The following HNMT variants were observed in gnomAD, a reference collection of about 807,000 sequenced individuals.
HNMT encodes the protein histamine N-methyltransferase.
Under a neutral mutation model 32.1 loss-of-function variants are expected in HNMT, and 30 were observed. The ratio of observed to expected loss-of-function variants is 0.93; its 90% CI spans 0.70 to 1.27. HNMT has a LOEUF of 1.27. Ranked by LOEUF, HNMT falls within the 50% of genes most tolerant of loss-of-function variation. The pLI, the probability that HNMT is intolerant of heterozygous loss-of-function variation, is 0.00. For missense variants in HNMT, 327 were observed against 346.0 expected, an observed-to-expected ratio of 0.95 and a Z score of 0.43; for synonymous variants, 125 against 119.0, an observed-to-expected ratio of 1.05 and a Z score of -0.33.
chr2:137,988,332 A>G (rs1249388266), intron 2 of HNMT, among the ~76,000 whole-genome samples: 3 of 152,190 alleles, frequency 2.0e-5, no homozygotes, highest in East Asian at 3.9e-4. Flanking sequence ...CCAAATGTGA[A>G]TAATCTTGAC....
chr2:137,967,012 G>A, intron 1 of HNMT: 2 of 772,170 alleles, frequency 2.6e-6, no homozygotes, highest in Admixed American at 3.5e-5. Flanking sequence ...TTGGTTCTAT[G>A]TTAATCGTTT....
intron 2 of HNMT, chr2:137,981,396 T>TG (rs763827380): frequency 6.2e-7 from 1 of 1,601,636 alleles, no homozygotes; most frequent in Non-Finnish European, 8.5e-7. Flanking sequence ...GTTTCCTTCA[T>TG]CCTCTTTTAA....
At chr2:137,971,874 A>G (rs181809026) in intron 2 of HNMT, among the ~76,000 whole-genome samples, 2 of 152,140 alleles carry the variant, frequency 1.3e-5, no homozygotes, top group Admixed American at 6.5e-5. Flanking sequence ...TATTATTTAT[A>G]TATTTATCTT....
At chr2:137,970,525 G>A (rs1680088495) in intron 2 of HNMT, among the ~76,000 whole-genome samples, 1 of 152,110 alleles carries the variant, frequency 6.6e-6, no homozygotes, top group African/African-American at 2.4e-5. Context: ...TCACAGAAAA[G>A]GAAAATCTCA....
intron 1 of HNMT, among the ~76,000 whole-genome samples, chr2:137,964,871 A>C (rs1452144526): frequency 6.6e-6 from 1 of 152,166 alleles, no homozygotes; most frequent in Non-Finnish European, 1.5e-5. Flanking sequence ...GCATAGAGAT[A>C]AGCGTTAACC....
chr2:137,964,937 A>G (rs1269062571), intron 1 of HNMT, among the ~76,000 whole-genome samples: 1 of 152,176 alleles, frequency 6.6e-6, no homozygotes, highest in Non-Finnish European at 1.5e-5. Flanking sequence ...TAATCTTCGA[A>G]CTCAGATTTT....
At chr2:138,004,043 A>G (rs1025944542) in intron 4 of HNMT, among the ~76,000 whole-genome samples, 7 of 151,596 alleles carry the variant, frequency 4.6e-5, no homozygotes, top group African/African-American at 1.7e-4. Flanking sequence ...CTGCCTCTCT[A>G]TTACTCATTA....
rs1384201632 is a variant in HNMT, at chr2:138,001,036, C to T, written c.298+11C>T. 2 of 1,419,074 alleles carry T rather than the reference C, an allele frequency of 1.4e-6. No individual in the cohort carries two copies. The highest frequency in any genetic ancestry group is 2.4e-5 in the South Asian group (2 of 83,746). 87.9% of individuals were successfully genotyped at this position (1,419,074 alleles called of 1,614,324 possible). On this transcript the variant is annotated intron_variant, in intron 3 of 5. Transcript: ENST00000280097. ...TTGCCAAATACAAAGGTACCTGTAA[C>T]TCCTGGTCCTCTACACCAGATCCTA...
At chr2:138,012,040 C>T (rs147351589) in intron 5 of HNMT, among the ~76,000 whole-genome samples, 70 of 152,172 alleles carry the variant, frequency 4.6e-4, no homozygotes, top group African/African-American at 1.6e-3. Context: ...TAAATAGAAA[C>T]TCATTATTAT....
chr2:138,001,060 T>C lies in HNMT; in HGVS notation c.298+35T>C, dbSNP rs183241865. 3 of 1,098,942 alleles carry C rather than the reference T, an allele frequency of 2.7e-6. No homozygotes were observed. In the African/African-American group the frequency reaches 4.8e-5, roughly 17 times the overall value. The allele number at this position is 1,098,942 out of a possible 1,614,324, so 68.1% of individuals were successfully genotyped here. Reference sequence around the variant, plus strand: ...ACTCCTGGTCCTCTACACCAGATCCTATCCCAAAAGACTTAACTCAAATTG... The same window carrying C: ...ACTCCTGGTCCTCTACACCAGATCCCATCCCAAAAGACTTAACTCAAATTG... On this transcript the variant is annotated intron_variant, in intron 3 of 5. Transcript: ENST00000280097.
chr2:137,972,052 C>T (rs1680153685), intron 2 of HNMT, among the ~76,000 whole-genome samples: 1 of 152,010 alleles, frequency 6.6e-6, no homozygotes, highest in African/African-American at 2.4e-5. Context: ...CATATTAACA[C>T]AAAGATAACT....
At chr2:137,978,241 G>A (rs911329910) in intron 2 of HNMT, among the ~76,000 whole-genome samples, 6 of 150,260 alleles carry the variant, frequency 4.0e-5, no homozygotes, top group African/African-American at 1.5e-4. Flanking sequence ...TGAGACCAAC[G>A]ATAGTGAATT....
chr2:137,993,697 A>G (rs1680896494), intron 2 of HNMT, among the ~76,000 whole-genome samples: 1 of 152,202 alleles, frequency 6.6e-6, no homozygotes, highest in Admixed American at 6.5e-5. Flanking sequence ...ATACTCCACA[A>G]GAAATTCAAC....
At position 138,000,990 on chromosome 2, in the gene HNMT, T is replaced by C; in HGVS notation, c.263T>C (p.Val88Ala). 1.2e-6 allele frequency: 2 copies of C among 1,609,032 alleles called. No homozygotes were observed. Among genetic ancestry groups the C allele is most frequent in the Non-Finnish European group, 1.7e-6 (2 of 1,177,548 alleles). ...GGAGTTTGTATCAACAATGAAGTTG[T>C]TGAGCCAAGTGCTGAACAAATTGCC... ...YPGVCINNEV[V>A]EPSAEQIAKY... is the part of the protein sequence containing the mutation. Residue 88 changes from valine to alanine, a missense_variant, in exon 3 of 6, where the codon GTT becomes GCT. Coordinates refer to ENST00000280097, the MANE Select transcript of HNMT (RefSeq NM_006895.3).
At chr2:137,978,806 A>G (rs1004958190) in intron 2 of HNMT, among the ~76,000 whole-genome samples, 1 of 139,740 alleles carries the variant, frequency 7.2e-6, no homozygotes, top group Non-Finnish European at 1.5e-5. Context: ...TATGTAATAT[A>G]GTATTATATA....
intron 2 of HNMT, among the ~76,000 whole-genome samples, chr2:137,994,408 A>C (rs2104963853): frequency 6.6e-6 from 1 of 152,332 alleles, no homozygotes; most frequent in Non-Finnish European, 1.5e-5. Flanking sequence ...ACTTTAAACC[A>C]ACAAAGATCA....
intron 2 of HNMT, chr2:137,981,656 A>G (rs770009295): frequency 9.0e-6 from 4 of 442,864 alleles, no homozygotes; most frequent in African/African-American, 3.9e-5. Context: ...TAATTACTAT[A>G]TATCATGAAC....
At chr2:138,004,973 A>G (rs960027566) in intron 4 of HNMT, among the ~76,000 whole-genome samples, 159 bp from the exon 5 acceptor site, 4 of 152,070 alleles carry the variant, frequency 2.6e-5, no homozygotes, top group African/African-American at 7.2e-5. Flanking sequence ...TTATTGTTCT[A>G]TGTCTTCATG....
chr2:138,003,906 T>C (rs1231813417), intron 4 of HNMT, among the ~76,000 whole-genome samples: 1 of 152,060 alleles, frequency 6.6e-6, no homozygotes, highest in Non-Finnish European at 1.5e-5. Context: ...CAGCTTCTCT[T>C]TCCTATTTCT....
Sources: allele counts gnomAD v4.1 joint callset (sites outside exome capture counted in the v4.1 genomes callset), GRCh38; gene constraint gnomAD v4.1.1; transcripts MANE v1.5; gene names NCBI Gene and HGNC (gene_info 2026-07-23, HGNC 2026-07-21).